The following CPNE4 variants were observed in gnomAD, a reference collection of about 807,000 sequenced individuals.
The protein encoded by CPNE4 is copine 4, also known as copine-4.
Under a neutral mutation model 67.9 loss-of-function variants are expected in CPNE4, and 25 were observed. That is an observed-to-expected ratio of 0.37 (90% confidence interval 0.27 to 0.51). The LOEUF (loss-of-function observed/expected upper bound fraction) is 0.51. CPNE4 is among the 20% of genes least tolerant of loss of function. The pLI, the probability that CPNE4 is intolerant of heterozygous loss-of-function variation, is 0.93. For missense variants in CPNE4, 464 were observed against 690.8 expected (o/e 0.67, Z 3.68); for synonymous variants, 242 against 244.9 (o/e 0.99, Z 0.11).
chr3:131,916,990 T>C (rs1167667869), intron 1 of CPNE4, among the ~76,000 whole-genome samples: 7 of 152,136 alleles, frequency 4.6e-5, no homozygotes, highest in African/African-American at 1.7e-4. Flanking sequence ...AGGCTCAAGT[T>C]TAGCTGCTAG....
intron 1 of CPNE4, among the ~76,000 whole-genome samples, chr3:132,018,607 C>A (rs1356949043): frequency 2.0e-5 from 3 of 152,152 alleles, no homozygotes; most frequent in African/African-American, 7.2e-5. Flanking sequence ...CCTGTGTCTG[C>A]TAGGAAAGAC....
intron 2 of CPNE4, among the ~76,000 whole-genome samples, chr3:131,856,215 GA>G (rs894180200): frequency 6.6e-6 from 1 of 151,828 alleles, no homozygotes; most frequent in African/African-American, 2.4e-5. Context: ...GTAGAACCTA[GA>G]AAAACATAAA....
chr3:131,695,688 G>A (rs1055074355), intron 5 of CPNE4, among the ~76,000 whole-genome samples: 1 of 152,182 alleles, frequency 6.6e-6, no homozygotes, highest in African/African-American at 2.4e-5. Context: ...TGACATCTAT[G>A]CACACTGCAG....
chr3:131,584,008 C>T (rs1938012709), intron 8 of CPNE4, among the ~76,000 whole-genome samples: 1 of 152,068 alleles, frequency 6.6e-6, no homozygotes, highest in Non-Finnish European at 1.5e-5. Context: ...TGCAAGTATC[C>T]CCTTTGGCCA....
At chr3:131,872,124 G>A (rs75152533) in intron 2 of CPNE4, among the ~76,000 whole-genome samples, 2,171 of 152,140 alleles carry the variant, frequency 0.014, 24 homozygotes, top group Middle Eastern at 0.075. Flanking sequence ...TGTATTTGTC[G>A]GGGTTTTCCA....
At chr3:131,843,714 T>A (rs1464472518) in intron 2 of CPNE4, among the ~76,000 whole-genome samples, 2 of 152,196 alleles carry the variant, frequency 1.3e-5, no homozygotes, top group African/African-American at 2.4e-5. Flanking sequence ...AACAAGGAGA[T>A]CTCCCTTGCA....
At position 131,699,911 on chromosome 3, in the gene CPNE4, T is replaced by C. The variant is rs1330608538; in HGVS notation, c.430A>G (p.Thr144Ala). 1.2e-6 allele frequency: 2 copies of C among 1,612,996 alleles called. No homozygotes were observed. Among genetic ancestry groups the C allele is most frequent in the South Asian group, 1.1e-5 (1 of 90,882 alleles). The change falls in exon 4 of 16, where the codon ACG (threonine) becomes GCG (alanine). Residue 144 changes from threonine (T) to alanine (A), a missense_variant and splice_region_variant. Physicochemically the swap from Thr to Ala is moderately conservative, Grantham distance 58. Coordinates refer to ENST00000429747, the MANE Select transcript of CPNE4 (RefSeq NM_130808.3). ...HGNTAGKSSI[T>A]VIAEELSGND... ...CTGCTTAGGGAGTGCCTGCTTACCG[T>C]GATGGAAGATTTCCCTGCTGTGTTC...
intron 5 of CPNE4, among the ~76,000 whole-genome samples, chr3:131,693,565 A>T (rs780360311): frequency 2.6e-5 from 4 of 152,188 alleles, no homozygotes; most frequent in Non-Finnish European, 4.4e-5. Context: ...TTGTGATATT[A>T]GGCATCATGC....
chr3:131,724,058 G>A (rs2081949907), intron 2 of CPNE4, among the ~76,000 whole-genome samples: 1 of 152,078 alleles, frequency 6.6e-6, no homozygotes, highest in Admixed American at 6.6e-5. Flanking sequence ...CCTGCCTAAT[G>A]TGCCTGAGGT....
intron 5 of CPNE4, among the ~76,000 whole-genome samples, chr3:131,688,958 T>G (rs1441615463): frequency 6.6e-6 from 1 of 152,220 alleles, no homozygotes; most frequent in Non-Finnish European, 1.5e-5. Flanking sequence ...TATATTACAA[T>G]GCTTTTTCTA....
At chr3:131,549,841 A>G (rs763077690) in intron 14 of CPNE4, 106 bp downstream of exon 14, 10 of 1,300,668 alleles carry the variant, frequency 7.7e-6, no homozygotes, top group Non-Finnish European at 1.1e-5. Context: ...AAATTCACAC[A>G]GGGAGAAGTG....
chr3:131,666,123 C>T (rs1330682952), intron 7 of CPNE4, among the ~76,000 whole-genome samples: 1 of 151,834 alleles, frequency 6.6e-6, no homozygotes, highest in African/African-American at 2.4e-5. Context: ...TTAAAATATG[C>T]TACAAAACGT....
chr3:131,987,404 G>C (rs1343339854), intron 1 of CPNE4, among the ~76,000 whole-genome samples: 1 of 100,774 alleles, frequency 9.9e-6, no homozygotes, highest in African/African-American at 3.3e-5. Flanking sequence ...TTTTTTTTTT[G>C]AGACAGAGTT....
intron 5 of CPNE4, among the ~76,000 whole-genome samples, chr3:131,688,002 G>A (rs567067404): frequency 1.3e-5 from 2 of 152,178 alleles, no homozygotes; most frequent in Non-Finnish European, 2.9e-5. Context: ...TGCTGGCAAA[G>A]TTGGCCCCAT....
chr3:131,667,204 G>GA (rs543365942), intron 7 of CPNE4, among the ~76,000 whole-genome samples: 2,705 of 151,160 alleles, frequency 0.018, 89 homozygotes, highest in African/African-American at 0.062. Flanking sequence ...TCTGATGCAA[G>GA]AAAAAAAAAT....
At chr3:131,653,949 A>G (rs1364900979) in intron 7 of CPNE4, among the ~76,000 whole-genome samples, 2 of 152,252 alleles carry the variant, frequency 1.3e-5, no homozygotes, top group Non-Finnish European at 2.9e-5. Flanking sequence ...AAATCTAACA[A>G]GGGATTTAAT....
chr3:131,578,555 G>C (rs144933948), intron 9 of CPNE4, among the ~76,000 whole-genome samples: 1 of 152,290 alleles, frequency 6.6e-6, no homozygotes, highest in African/African-American at 2.4e-5. Context: ...TAGTGAGGAA[G>C]GCATGTCAGT....
At chr3:131,853,303 A>G (rs1365039493) in intron 2 of CPNE4, among the ~76,000 whole-genome samples, 2 of 152,028 alleles carry the variant, frequency 1.3e-5, no homozygotes, top group East Asian at 3.9e-4. Flanking sequence ...CAAAGGCACT[A>G]AAGCAATTCA....
intron 1 of CPNE4, among the ~76,000 whole-genome samples, chr3:131,959,518 A>C (rs1006423799): frequency 6.6e-6 from 1 of 152,198 alleles, no homozygotes; most frequent in African/African-American, 2.4e-5. Context: ...ATAGCACCAA[A>C]GTTGAGACAC....
Sources: gnomAD v4.1 joint callset for allele counts (sites outside exome capture counted in the v4.1 genomes callset) on GRCh38, gnomAD v4.1.1 for gene constraint, MANE v1.5 for transcripts, NCBI Gene and HGNC (gene_info 2026-07-23, HGNC 2026-07-21) for gene names.